SRGAP3: variants seen among roughly 807,000 people sequenced by gnomAD.
SRGAP3 encodes SLIT-ROBO Rho GTPase-activating protein 3.
Under a neutral mutation model 121.1 loss-of-function variants are expected in SRGAP3, and 39 were observed. The observed-to-expected ratio is 0.32, with a 90% confidence interval of 0.25 to 0.42. SRGAP3 has a LOEUF of 0.42. Ranked by LOEUF, SRGAP3 falls within the 10% of genes least tolerant of loss-of-function variation. SRGAP3 has a pLI of 1.00. For synonymous variants in SRGAP3, 601 were observed against 570.0 expected, an observed-to-expected ratio of 1.05 and a Z score of -0.77; for missense variants, 1,213 against 1,470.6, an observed-to-expected ratio of 0.82 and a Z score of 2.86.
Position 9,265,181 on chromosome 3 carries a change from C to T in SRGAP3, n.442+60829G>A, listed in dbSNP as rs573456705. ...AAACTGGCTAGCCATATGCAGAAAA[C>T]GGAAACTGGACCCCTTCCTTACACC... On this transcript the variant is annotated intron_variant and non_coding_transcript_variant, in intron 3 of 3. Coordinates refer to the SRGAP3 transcript ENST00000490889. Among the ~76,000 whole-genome samples, 4 of 152,250 alleles carry T rather than the reference C, an allele frequency of 2.6e-5. No homozygotes were observed. In the South Asian group the frequency reaches 6.2e-4, roughly 24 times the overall value.
intron 3 of SRGAP3, among the ~76,000 whole-genome samples, chr3:9,298,700 G>C (rs948792651): frequency 2.6e-5 from 4 of 152,218 alleles, no homozygotes; most frequent in African/African-American, 9.7e-5. Context: ...GCTGGAGAGA[G>C]TGGTCACAGG....
At chr3:9,043,334 TTAG>T (rs1945108793) in intron 10 of SRGAP3, among the ~76,000 whole-genome samples, 1 of 152,136 alleles carries the variant, frequency 6.6e-6, no homozygotes, top group Non-Finnish European at 1.5e-5. Context: ...CATTGTTTAC[TTAG>T]TAGTTTGTTT....
chr3:9,052,901 T>C, intron 9 of SRGAP3, 126 bp downstream of exon 9: 1 of 1,138,870 alleles, frequency 8.8e-7, no homozygotes, highest in Non-Finnish European at 1.3e-6. Context: ...AAAAGCATGG[T>C]GATGGAGTCT....
intron 1 of SRGAP3, among the ~76,000 whole-genome samples, chr3:9,211,780 T>G (rs1306263006): frequency 6.6e-6 from 1 of 151,066 alleles, no homozygotes; most frequent in Admixed American, 6.6e-5. Flanking sequence ...GGCTTAAGCC[T>G]TCCTCTCACA....
At position 9,001,288 on chromosome 3, in the gene SRGAP3, C is replaced by T. The variant is rs182809472; in HGVS notation, c.2228-6765G>A. Among the ~76,000 whole-genome samples, 271 of 152,326 alleles carry T rather than the reference C, an allele frequency of 1.8e-3. 1 individual carries two copies. Among genetic ancestry groups the T allele is most frequent in the Middle Eastern group, 6.8e-3 (2 of 294 alleles). ...ATATATTTACAACATGATGAATATA[C>T]TGCTTACCCGGATCTAATCATTACA... is the stretch of plus-strand genomic sequence containing the variant. On this transcript the variant is annotated intron_variant, in intron 18 of 21. Coordinates refer to ENST00000383836, the MANE Select transcript of SRGAP3 (RefSeq NM_014850.4).
At chr3:9,053,437 T>G (rs17049997) in intron 8 of SRGAP3, among the ~76,000 whole-genome samples, 10,633 of 152,314 alleles carry the variant, frequency 0.07, 418 homozygotes, top group Middle Eastern at 0.11. Flanking sequence ...AAAGCCAGGT[T>G]GCCCAATTTA....
At chr3:9,085,366 G>A (rs921565945) in intron 3 of SRGAP3, among the ~76,000 whole-genome samples, 3 of 152,228 alleles carry the variant, frequency 2.0e-5, no homozygotes, top group Non-Finnish European at 4.4e-5. Flanking sequence ...GTTGGTGGGA[G>A]TGTAAATTAG....
chr3:9,343,402 C>T (rs1011143723), intron 1 of SRGAP3, among the ~76,000 whole-genome samples: 3 of 152,140 alleles, frequency 2.0e-5, no homozygotes, highest in Non-Finnish European at 2.9e-5. Context: ...GCCTTTTTCC[C>T]GAACTACTAC....
chr3:9,181,382 A>G (rs757350113), intron 1 of SRGAP3, among the ~76,000 whole-genome samples: 8 of 152,200 alleles, frequency 5.3e-5, no homozygotes, highest in Non-Finnish European at 1.0e-4. Flanking sequence ...GCTACTTAAC[A>G]CAACACAAGT....
chr3:9,317,046 G>A (rs1417094029), intron 3 of SRGAP3, among the ~76,000 whole-genome samples: 1 of 152,142 alleles, frequency 6.6e-6, no homozygotes, highest in African/African-American at 2.4e-5. Context: ...CCAATCCCAA[G>A]TGGACCGCAA....
At chr3:9,086,967 A>G (rs1439038828) in intron 3 of SRGAP3, among the ~76,000 whole-genome samples, 1 of 151,272 alleles carries the variant, frequency 6.6e-6, no homozygotes, top group African/African-American at 2.4e-5. Flanking sequence ...GGTAGAGTCA[A>G]GAACACAATT....
rs773507636 is a variant in SRGAP3, at chr3:8,985,652, G to T, written c.3167C>A (p.Pro1056His). Reference protein sequence around the residue: ...RLAGAQLRPPPMRPVRPVVQH... With the variant: ...RLAGAQLRPPHMRPVRPVVQH... Reference sequence around the variant, plus strand: ...GACCACCGGCCGCACGGGCCGCATGGGGGGCGGGCGGAGCTGGGCGCCAGC... The same window carrying T: ...GACCACCGGCCGCACGGGCCGCATGTGGGGCGGGCGGAGCTGGGCGCCAGC... The change falls in exon 22 of 22, where the codon CCC becomes CAC. Residue 1056 changes from proline (P) to histidine (H), a missense_variant. Around this residue, in one of 2 missense-constraint regions of SRGAP3, gnomAD observed 420 missense variants for 437.7 expected, o/e 0.96. Coordinates refer to ENST00000383836, the MANE Select transcript of SRGAP3 (RefSeq NM_014850.4). This position sits in a 1 kb window ranked among gnomAD's most constrained non-coding sequence, Gnocchi z 5.1. 21 of 1,595,430 alleles carry T rather than the reference G, an allele frequency of 1.3e-5. No homozygotes were observed. In the South Asian group the frequency reaches 2.1e-4, roughly 16 times the overall value.
intron 18 of SRGAP3, among the ~76,000 whole-genome samples, chr3:9,006,516 G>A (rs1290906167): frequency 1.3e-5 from 2 of 151,580 alleles, no homozygotes; most frequent in East Asian, 1.9e-4. Context: ...AATACACAAC[G>A]ACATGGATGA....
chr3:9,362,763 A>C (rs1000049842), intron 1 of SRGAP3: 2 of 152,130 alleles, frequency 1.3e-5, no homozygotes, highest in African/African-American at 4.8e-5. Flanking sequence ...TAAAACAGAA[A>C]TCAGTCTCTG....
At chr3:9,362,923 C>G (rs1433943854) in exon 1 of SRGAP3, 1 of 152,280 alleles carries the variant, frequency 6.6e-6, no homozygotes, top group Non-Finnish European at 1.5e-5. Flanking sequence ...CCGCTTTCAG[C>G]TTACTGAAGA....
intron 3 of SRGAP3, among the ~76,000 whole-genome samples, chr3:9,286,668 T>A (rs370671392): frequency 2.5e-4 from 38 of 151,764 alleles, no homozygotes; most frequent in African/African-American, 8.7e-4. Context: ...AGTGGCGCGA[T>A]CTCGGCTCAC....
At chr3:9,214,117 AACACACAC>A (rs34152705) in intron 1 of SRGAP3, among the ~76,000 whole-genome samples, 1 of 133,806 alleles carries the variant, frequency 7.5e-6, no homozygotes, top group African/African-American at 2.6e-5. Context: ...ACCCACCTCC[AACACACAC>A]ACACACACAC....
chr3:8,992,459 AGT>A (rs1463263246), intron 20 of SRGAP3, among the ~76,000 whole-genome samples: 1 of 152,142 alleles, frequency 6.6e-6, no homozygotes, highest in Non-Finnish European at 1.5e-5. Flanking sequence ...GGTGGAGTCG[AGT>A]GTCAATTTCC....
chr3:9,037,978 C>G, intron 11 of SRGAP3, 85 bp downstream of exon 11: 2 of 1,569,338 alleles, frequency 1.3e-6, no homozygotes, highest in South Asian at 2.2e-5. Flanking sequence ...CCCTGCTTCT[C>G]CAGCTCCTGG....
Sources: gnomAD v4.1 joint callset for allele counts (sites outside exome capture counted in the v4.1 genomes callset) on GRCh38, gnomAD v4.1.1 for gene constraint, gnomAD v4.1.1 regional missense constraint, Gnocchi (gnomAD v3.1) non-coding constraint, MANE v1.5 for transcripts, NCBI Gene and HGNC (gene_info 2026-07-23, HGNC 2026-07-21) for gene names.